Variants in ZNF608 observed in about 807,000 individuals in gnomAD.
ZNF608 encodes the protein renal carcinoma antigen NY-REN-36.
A neutral mutation model predicts 109.0 loss-of-function variants in ZNF608; 12 were observed. The ratio of observed to expected loss-of-function variants is 0.11; its 90% CI spans 0.07 to 0.18. The LOEUF (loss-of-function observed/expected upper bound fraction) is 0.18, where lower values mean the gene tolerates loss of function less well. Ranked by LOEUF, ZNF608 falls within the 10% of genes least tolerant of loss-of-function variation. The pLI, the probability that ZNF608 is intolerant of heterozygous loss-of-function variation, is 1.00. For synonymous variants in ZNF608, 732 were observed against 717.4 expected (o/e 1.02, Z -0.33); for missense variants, 1,707 against 1,879.3 (o/e 0.91, Z 1.70).
chr5:124,646,222 A>T (rs182356815), intron 5 of ZNF608, among the ~76,000 whole-genome samples: 4 of 152,222 alleles, frequency 2.6e-5, no homozygotes, highest in Admixed American at 2.6e-4. Flanking sequence ...TTAGCCGGGC[A>T]TGGTGGCACG....
intron 2 of ZNF608, among the ~76,000 whole-genome samples, chr5:124,729,199 C>G (rs1026372135): frequency 3.3e-5 from 5 of 152,218 alleles, no homozygotes; most frequent in African/African-American, 1.2e-4. Context: ...TAAAAGAAGG[C>G]TCGTCCTGAC....
At chr5:124,641,110 T>C in intron 8 of ZNF608, 142 bp downstream of exon 8, 1 of 990,932 alleles carries the variant, frequency 1.0e-6, no homozygotes, top group South Asian at 1.4e-5. Flanking sequence ...CTTAGCTGTG[T>C]CACTAGAAAA....
At chr5:124,720,431 A>G (rs1288405205) in intron 2 of ZNF608, among the ~76,000 whole-genome samples, 2 of 152,216 alleles carry the variant, frequency 1.3e-5, no homozygotes, top group African/African-American at 4.8e-5. Context: ...GGTAAGAAAT[A>G]TAAAACTTAG....
chr5:124,653,895 T>C (rs1750897606), intron 3 of ZNF608, among the ~76,000 whole-genome samples: 1 of 152,234 alleles, frequency 6.6e-6, no homozygotes, highest in Non-Finnish European at 1.5e-5. Context: ...AACTGCACTG[T>C]TGGTGCAACA....
chr5:124,741,216 G>A (rs562352036), intron 2 of ZNF608, among the ~76,000 whole-genome samples: 87 of 152,146 alleles, frequency 5.7e-4, no homozygotes, highest in African/African-American at 2.0e-3. Context: ...CCACATAAAG[G>A]AGTAGAACAC....
At chr5:124,656,919 C>T (rs2149798688) in intron 3 of ZNF608, among the ~76,000 whole-genome samples, 1 of 151,752 alleles carries the variant, frequency 6.6e-6, no homozygotes, top group South Asian at 2.1e-4. Context: ...GAGCCACTTC[C>T]ATCACTGTCA....
chr5:124,650,968 A>T (rs1750747183), intron 3 of ZNF608, among the ~76,000 whole-genome samples: 1 of 152,226 alleles, frequency 6.6e-6, no homozygotes. Flanking sequence ...GTTGGGACTC[A>T]AGTAATGGAG....
chr5:124,724,496 C>CAAA lies in ZNF608; in HGVS notation c.906+19585_906+19587dup, dbSNP rs5871102. 8.3e-3 allele frequency among the ~76,000 whole-genome samples: 826 copies of CAAA among 99,962 alleles called. 25 individuals carry two copies. Among genetic ancestry groups the CAAA allele is most frequent in the Admixed American group, 0.022 (207 of 9,264 alleles). The allele number at this position is 99,962 out of a possible 152,430, so 65.6% of individuals were successfully genotyped here. On this transcript the variant is annotated intron_variant, in intron 2 of 9. Transcript: ENST00000513986. ...AAACCCAGGGAGTATGCAAAGAGTG[C>CAAA]AAAAAAAAAAAAAAAAAAAGACTGG...
intron 2 of ZNF608, among the ~76,000 whole-genome samples, chr5:124,711,582 T>TC (rs903771105): frequency 4.5e-4 from 69 of 152,280 alleles, no homozygotes; most frequent in African/African-American, 1.6e-3. Context: ...CCCCAGGCCC[T>TC]CCCCTTTAGA....
chr5:124,736,200 CATAACTA>C (rs1749133682), intron 2 of ZNF608, among the ~76,000 whole-genome samples: 1 of 152,172 alleles, frequency 6.6e-6, no homozygotes, highest in African/African-American at 2.4e-5. Flanking sequence ...CACGGGAACA[CATAACTA>C]AAGTGCGGCT....
chr5:124,715,914 C>T (rs1430449383), intron 2 of ZNF608, among the ~76,000 whole-genome samples: 2 of 151,968 alleles, frequency 1.3e-5, no homozygotes, highest in Non-Finnish European at 2.9e-5. Flanking sequence ...GAGGCCGAGG[C>T]GGGCGGATCA....
intron 2 of ZNF608, among the ~76,000 whole-genome samples, chr5:124,716,400 C>T (rs1753707905): frequency 6.6e-6 from 1 of 151,514 alleles, no homozygotes; most frequent in African/African-American, 2.4e-5. Flanking sequence ...AGTTAAGCAC[C>T]TTTGTTCATC....
At chr5:124,683,255 AC>A (rs574089660) in intron 3 of ZNF608, among the ~76,000 whole-genome samples, 4 of 152,212 alleles carry the variant, frequency 2.6e-5, no homozygotes, top group Non-Finnish European at 5.9e-5. Context: ...ACCTTCTGAG[AC>A]AACCTGAGCC....
At chr5:124,726,662 T>TAA (rs142658513) in intron 2 of ZNF608, among the ~76,000 whole-genome samples, 6 of 135,566 alleles carry the variant, frequency 4.4e-5, no homozygotes, top group South Asian at 2.3e-4. Context: ...AAGATTTGTT[T>TAA]AAAAAAAAAA....
chr5:124,650,526 A>G (rs1338063954), intron 3 of ZNF608, among the ~76,000 whole-genome samples: 5 of 152,216 alleles, frequency 3.3e-5, no homozygotes, highest in Non-Finnish European at 7.3e-5. Flanking sequence ...TGCTTTTCAG[A>G]CAGACAATTT....
At chr5:124,716,048 CAGG>C (rs1481637392) in intron 2 of ZNF608, among the ~76,000 whole-genome samples, 3 of 146,544 alleles carry the variant, frequency 2.0e-5, no homozygotes, top group African/African-American at 7.6e-5. Flanking sequence ...GAGGCTGAGG[CAGG>C]AGAATGGCCT....
intron 3 of ZNF608, among the ~76,000 whole-genome samples, chr5:124,685,577 T>C (rs1047511988): frequency 6.0e-5 from 9 of 149,768 alleles, no homozygotes; most frequent in African/African-American, 7.4e-5. Flanking sequence ...AAAGCCTGAC[T>C]CTCCTGATCA....
At chr5:124,697,686 G>A (rs2149845665) in intron 3 of ZNF608, among the ~76,000 whole-genome samples, 1 of 152,264 alleles carries the variant, frequency 6.6e-6, no homozygotes, top group East Asian at 1.9e-4. Context: ...TTCATGTACT[G>A]GCAGTAACAC....
At chr5:124,669,952 T>C (rs1751646953) in intron 3 of ZNF608, among the ~76,000 whole-genome samples, 1 of 152,228 alleles carries the variant, frequency 6.6e-6, no homozygotes, top group East Asian at 1.9e-4. Flanking sequence ...TTTGATTAAT[T>C]ACTTTCCAGT....
Sources: gnomAD v4.1 joint callset for allele counts (sites outside exome capture counted in the v4.1 genomes callset) on GRCh38, gnomAD v4.1.1 for gene constraint, MANE v1.5 for transcripts, NCBI Gene and HGNC (gene_info 2026-07-23, HGNC 2026-07-21) for gene names.